Variants in GRIK4 observed in about 807,000 individuals in gnomAD.
GRIK4 encodes glutamate ionotropic receptor kainate type subunit 4, also known as glutamate receptor ionotropic, kainate 4.
Under a neutral mutation model 104.9 loss-of-function variants are expected in GRIK4, and 40 were observed. The observed-to-expected ratio is 0.38, with a 90% CI of 0.30 to 0.50. The LOEUF (loss-of-function observed/expected upper bound fraction) is 0.50, where lower values mean the gene tolerates loss of function less well. Among genes scored for constraint, GRIK4 ranks in the 20% least tolerant of loss-of-function variants. The pLI is 0.93. For synonymous variants in GRIK4, 485 were observed against 524.9 expected, an observed-to-expected ratio of 0.92 and a Z score of 1.04; for missense variants, 1,047 against 1,308.1, an observed-to-expected ratio of 0.80 and a Z score of 3.08.
At chr11:120,747,421 G>A (rs564048514) in intron 3 of GRIK4, among the ~76,000 whole-genome samples, 3 of 152,168 alleles carry the variant, frequency 2.0e-5, no homozygotes, top group Non-Finnish European at 4.4e-5. Flanking sequence ...GTGACAAACC[G>A]AGTCAGTGTT....
At chr11:120,665,405 CT>C (rs1487336793) in intron 3 of GRIK4, among the ~76,000 whole-genome samples, 1 of 152,176 alleles carries the variant, frequency 6.6e-6, no homozygotes, top group Admixed American at 6.5e-5. Flanking sequence ...AAATTGATGA[CT>C]TTCTCCTTCA....
At position 120,555,178 on chromosome 11, in the gene GRIK4, A is replaced by G. The variant is rs1238173204; in HGVS notation, c.-159+43291A>G. Reference sequence around the variant, plus strand: ...ATCTATCCATGTTTCCCATGACTTCAGGCTTAACTCCTGCAAATGGAGGCG... The same window carrying G: ...ATCTATCCATGTTTCCCATGACTTCGGGCTTAACTCCTGCAAATGGAGGCG... On this transcript the variant is annotated intron_variant, in intron 1 of 20. Transcript: ENST00000527524. The surrounding 1 kb of genome is among the most constrained non-coding windows in gnomAD (Gnocchi z 5.3). Among the ~76,000 whole-genome samples, 1 of 152,226 alleles carries G rather than the reference A, an allele frequency of 6.6e-6. No homozygotes were observed. Among genetic ancestry groups the G allele is most frequent in the Non-Finnish European group, 1.5e-5 (1 of 68,040 alleles).
At chr11:120,912,090 A>G (rs897895948) in intron 13 of GRIK4, among the ~76,000 whole-genome samples, 1 of 152,178 alleles carries the variant, frequency 6.6e-6, no homozygotes, top group Non-Finnish European at 1.5e-5. Flanking sequence ...AAACTATTTA[A>G]TAGAGAAATC....
chr11:120,721,686 G>T (rs780235120), intron 3 of GRIK4, among the ~76,000 whole-genome samples: 24 of 152,238 alleles, frequency 1.6e-4, no homozygotes, highest in Middle Eastern at 3.4e-3. Flanking sequence ...CAGGTGGCTG[G>T]TGGTCCAGAG....
At chr11:120,822,271 T>TGA (rs1168943780) in intron 6 of GRIK4, among the ~76,000 whole-genome samples, 2 of 147,498 alleles carry the variant, frequency 1.4e-5, no homozygotes, top group African/African-American at 5.0e-5. Context: ...ACTGGAGTTC[T>TGA]CCAGCAGGGC....
At chr11:120,851,667 C>T (rs916007558) in intron 8 of GRIK4, among the ~76,000 whole-genome samples, 2 of 152,078 alleles carry the variant, frequency 1.3e-5, no homozygotes, top group African/African-American at 4.8e-5. Flanking sequence ...AAAAAGTGTC[C>T]AAGAGCTGAA....
At chr11:120,780,298 C>T (rs1352928552) in intron 3 of GRIK4, among the ~76,000 whole-genome samples, 2 of 152,210 alleles carry the variant, frequency 1.3e-5, no homozygotes, top group African/African-American at 4.8e-5. Context: ...AACTGAAATT[C>T]TGTGTTTATT....
chr11:120,721,728 A>G (rs1009076305), intron 3 of GRIK4, among the ~76,000 whole-genome samples: 4 of 152,138 alleles, frequency 2.6e-5, no homozygotes, highest in African/African-American at 9.7e-5. Flanking sequence ...TAGTTGGGCT[A>G]TAGGCTCTGG....
At chr11:120,761,287 A>G (rs959316835) in intron 3 of GRIK4, among the ~76,000 whole-genome samples, 2 of 151,876 alleles carry the variant, frequency 1.3e-5, no homozygotes, top group African/African-American at 4.8e-5. Context: ...CCACTTTTTG[A>G]TGGGGTTGTT....
At chr11:120,645,891 C>G (rs988643337) in intron 1 of GRIK4, among the ~76,000 whole-genome samples, 1 of 152,192 alleles carries the variant, frequency 6.6e-6, no homozygotes, top group African/African-American at 2.4e-5. Context: ...ACCCTCCTGC[C>G]GGGTTTTGTT....
At chr11:120,682,737 C>T (rs888878701) in intron 3 of GRIK4, among the ~76,000 whole-genome samples, 1 of 151,984 alleles carries the variant, frequency 6.6e-6, no homozygotes, top group African/African-American at 2.4e-5. Flanking sequence ...GTGGCCTCTT[C>T]CCTGCTTAAA....
intron 2 of GRIK4, among the ~76,000 whole-genome samples, chr11:120,659,699 T>C (rs373339840): frequency 2.6e-5 from 4 of 152,188 alleles, no homozygotes; most frequent in Non-Finnish European, 1.5e-5. Flanking sequence ...CCTCTTCTGC[T>C]CACCCATGGC....
At chr11:120,741,679 C>T (rs1176215446) in intron 3 of GRIK4, among the ~76,000 whole-genome samples, 1 of 152,148 alleles carries the variant, frequency 6.6e-6, no homozygotes, top group Non-Finnish European at 1.5e-5. Context: ...CATGTGAGTG[C>T]CCCACAGGGT....
At chr11:120,964,924 A>G (rs995142006) in intron 18 of GRIK4, among the ~76,000 whole-genome samples, 3 of 152,176 alleles carry the variant, frequency 2.0e-5, no homozygotes, top group Non-Finnish European at 4.4e-5. Context: ...TTACCAGACC[A>G]TATTGCCAAT....
rs1251876779 is a variant in GRIK4 at position 120,753,317 on chromosome 11, G to GTA, written c.83-49375_83-49374insAT. Among the ~76,000 whole-genome samples, 765 of 149,704 alleles carry GTA rather than the reference G, an allele frequency of 5.1e-3. 7 individuals are homozygous for GTA. The highest frequency in any genetic ancestry group is 0.017 in the African/African-American group (706 of 40,514). On this transcript the variant is annotated intron_variant, in intron 3 of 20. Coordinates refer to ENST00000527524, the MANE Select transcript of GRIK4 (RefSeq NM_014619.5). ...CAACTCTGTGTGTGTGTGTGTGTGT[G>GTA]TGTGTGTGTGTGTGTGTGTGTGTGT...
In GRIK4 at chr11:120,644,750, G is replaced by A. The variant is rs186128330; in HGVS notation, c.-158-8935G>A. On this transcript the variant is annotated intron_variant, in intron 1 of 20. Coordinates refer to ENST00000527524, the MANE Select transcript of GRIK4 (RefSeq NM_014619.5). ...GGGTTGCCCTTCCTTGCCTGCAATAGACAATGAGGACGATCAAAGACAAGG... is the reference window on the plus strand; with the variant it reads ...GGGTTGCCCTTCCTTGCCTGCAATAAACAATGAGGACGATCAAAGACAAGG... Among the ~76,000 whole-genome samples the A allele has an allele frequency of 2.6e-4, 39 of 152,302 alleles. 1 individual carries two copies. The East Asian group carries it at 7.1e-3, about 28-fold the overall frequency.
At chr11:120,538,595 G>A (rs1001302260) in intron 1 of GRIK4, among the ~76,000 whole-genome samples, 7 of 152,354 alleles carry the variant, frequency 4.6e-5, no homozygotes, top group Admixed American at 2.6e-4. Context: ...GCTTACGGCT[G>A]GCTGGGCAGA....
At chr11:120,829,013 C>T (rs1215730705) in intron 6 of GRIK4, among the ~76,000 whole-genome samples, 1 of 152,230 alleles carries the variant, frequency 6.6e-6, no homozygotes, top group Non-Finnish European at 1.5e-5. Flanking sequence ...CCCAGCCTTC[C>T]CTGTCTCGTC....
At chr11:120,696,481 T>G (rs1591812549) in intron 3 of GRIK4, among the ~76,000 whole-genome samples, 1 of 77,846 alleles carries the variant, frequency 1.3e-5, no homozygotes, top group African/African-American at 5.2e-5. Context: ...GAGGTGTCAG[T>G]GGGGGGGCAT....
Sources: allele counts gnomAD v4.1 joint callset (sites outside exome capture counted in the v4.1 genomes callset), GRCh38; gene constraint gnomAD v4.1.1; non-coding constraint Gnocchi (gnomAD v3.1); transcripts MANE v1.5; gene names NCBI Gene and HGNC (gene_info 2026-07-23, HGNC 2026-07-21).